AFG1L: variants seen among roughly 807,000 people sequenced by gnomAD.
AFG1L encodes AFG1 like ATPase, also known as AFG1-like ATPase.
Under a neutral mutation model 62.2 loss-of-function variants are expected in AFG1L, and 53 were observed. That is an observed-to-expected ratio of 0.85 (90% CI 0.68 to 1.07). The LOEUF (loss-of-function observed/expected upper bound fraction) is 1.07, where lower values mean the gene tolerates loss of function less well. Among genes scored for constraint, AFG1L ranks in the 50% least tolerant of loss-of-function variants. AFG1L has a pLI of 0.00. For missense variants in AFG1L, 555 were observed against 590.5 expected, an observed-to-expected ratio of 0.94 and a Z score of 0.62; for synonymous variants, 228 against 210.3, an observed-to-expected ratio of 1.08 and a Z score of -0.73.
At chr6:108,485,183 C>T (rs1444239405) in intron 10 of AFG1L, among the ~76,000 whole-genome samples, 4 of 152,150 alleles carry the variant, frequency 2.6e-5, no homozygotes, top group African/African-American at 9.7e-5. Context: ...AGAGCAGCTT[C>T]TTAGATGATG....
chr6:108,455,737 G>A (rs931883554), intron 8 of AFG1L, among the ~76,000 whole-genome samples: 17 of 152,044 alleles, frequency 1.1e-4, no homozygotes, highest in African/African-American at 3.4e-4. Context: ...CTGAACGTTT[G>A]GTGATTTTTT....
intron 1 of AFG1L, among the ~76,000 whole-genome samples, chr6:108,302,791 A>G (rs1031015864): frequency 6.6e-6 from 1 of 152,220 alleles, no homozygotes; most frequent in African/African-American, 2.4e-5. Flanking sequence ...TATTGCACTT[A>G]TGCAAATAAC....
chr6:108,447,328 C>T (rs759438165), intron 8 of AFG1L, 32 bp downstream of exon 8: 1 of 1,216,512 alleles, frequency 8.2e-7, no homozygotes, highest in Admixed American at 1.8e-5. Context: ...AGTTTAATGT[C>T]TAATCGTTAA....
At chr6:108,365,508 G>A (rs1380208675) in intron 5 of AFG1L, among the ~76,000 whole-genome samples, 1 of 126,882 alleles carries the variant, frequency 7.9e-6, no homozygotes, top group Non-Finnish European at 1.6e-5. Flanking sequence ...TTTTTTTTTG[G>A]TAGAAGGAAT....
intron 1 of AFG1L, among the ~76,000 whole-genome samples, chr6:108,302,196 G>C (rs1777030447): frequency 6.6e-6 from 1 of 152,110 alleles, no homozygotes; most frequent in African/African-American, 2.4e-5. Context: ...GCCCGCCTTG[G>C]CCTCCCAAAG....
intron 11 of AFG1L, among the ~76,000 whole-genome samples, chr6:108,512,674 TC>T (rs1025313187): frequency 1.3e-5 from 2 of 152,008 alleles, no homozygotes; most frequent in African/African-American, 4.8e-5. Context: ...CATCCCTCAG[TC>T]CCACCCCCTA....
chr6:108,463,605 A>T (rs2114784552), intron 8 of AFG1L, among the ~76,000 whole-genome samples: 2 of 152,222 alleles, frequency 1.3e-5, no homozygotes, highest in East Asian at 3.9e-4. Flanking sequence ...GAAGGTCTGG[A>T]ATTTGAGAGC....
At chr6:108,485,657 T>TATATATATATA (rs869070532) in intron 10 of AFG1L, among the ~76,000 whole-genome samples, 27 of 12,582 alleles carry the variant, frequency 2.1e-3, no homozygotes, top group African/African-American at 3.9e-3. Context: ...TATATATATA[T>TATATATATATA]TTTTTTTTTT....
chr6:108,490,371 A>G (rs1773729714), intron 10 of AFG1L, among the ~76,000 whole-genome samples: 1 of 152,212 alleles, frequency 6.6e-6, no homozygotes, highest in Non-Finnish European at 1.5e-5. Flanking sequence ...AAGCAAACAA[A>G]CAAACAAAAA....
chr6:108,297,451 G>A (rs1388605133), intron 1 of AFG1L, among the ~76,000 whole-genome samples: 5 of 152,156 alleles, frequency 3.3e-5, no homozygotes, highest in African/African-American at 1.2e-4. Flanking sequence ...ATTTTGTTCA[G>A]TATTCAGAGT....
intron 7 of AFG1L, among the ~76,000 whole-genome samples, chr6:108,431,545 G>A (rs1771071730): frequency 6.6e-6 from 1 of 151,306 alleles, no homozygotes; most frequent in African/African-American, 2.4e-5. Flanking sequence ...CAAGACCTCT[G>A]GTGTTACACA....
chr6:108,499,804 A>T (rs568597645), intron 10 of AFG1L, among the ~76,000 whole-genome samples: 15 of 152,014 alleles, frequency 9.9e-5, no homozygotes, highest in East Asian at 3.9e-4. Flanking sequence ...GAATTTTTTT[A>T]AAAAAATAAT....
At chr6:108,508,630 G>C (rs1460706770) in intron 10 of AFG1L, among the ~76,000 whole-genome samples, 1 of 152,020 alleles carries the variant, frequency 6.6e-6, no homozygotes, top group Non-Finnish European at 1.5e-5. Flanking sequence ...CTCTATTTAG[G>C]GAACCACTTC....
At chr6:108,314,783 T>C (rs771242657) in intron 1 of AFG1L, among the ~76,000 whole-genome samples, 6 of 151,828 alleles carry the variant, frequency 4.0e-5, no homozygotes, top group Non-Finnish European at 7.4e-5. Context: ...TTGTTCTCAA[T>C]CCTACTTACA....
At chr6:108,321,200 A>G (rs143373425) in intron 1 of AFG1L, among the ~76,000 whole-genome samples, 1,898 of 152,308 alleles carry the variant, frequency 0.012, 24 homozygotes, top group Non-Finnish European at 0.02. Context: ...GGGAATTCCC[A>G]TAGCCTTCCT....
At chr6:108,452,930 A>G (rs1004368631) in intron 8 of AFG1L, among the ~76,000 whole-genome samples, 1 of 152,230 alleles carries the variant, frequency 6.6e-6, no homozygotes, top group African/African-American at 2.4e-5. Flanking sequence ...ACATTGTCTC[A>G]TCTTTCAAGG....
At position 108,482,100 on chromosome 6, in the gene AFG1L, A is replaced by T. The variant is rs151219601; in HGVS notation, c.1062+4808A>T. On this transcript the variant is annotated intron_variant, in intron 10 of 12. Coordinates refer to ENST00000368977, the MANE Select transcript of AFG1L (RefSeq NM_145315.5). Reference sequence around the variant, plus strand: ...CATCTTTCAGATGAGATTGATGGTGATATTAACACATGCAATGTTTTGATA... The same window carrying T: ...CATCTTTCAGATGAGATTGATGGTGTTATTAACACATGCAATGTTTTGATA... Among the ~76,000 whole-genome samples the T allele has an allele frequency of 3.3e-4, 51 of 152,312 alleles. No homozygotes were observed. The East Asian group carries it at 8.7e-3, about 26-fold the overall frequency.
At chr6:108,310,185 GTTA>G (rs947868211) in intron 1 of AFG1L, among the ~76,000 whole-genome samples, 11 of 152,248 alleles carry the variant, frequency 7.2e-5, no homozygotes, top group African/African-American at 2.6e-4. Flanking sequence ...TGGGGGAGAC[GTTA>G]TTATACTAGA....
chr6:108,402,117 G>T, intron 7 of AFG1L, 63 bp downstream of exon 7: 1 of 806,006 alleles, frequency 1.2e-6, no homozygotes, highest in Non-Finnish European at 1.9e-6. Flanking sequence ...AAGGGCTTTA[G>T]TAGGATTGTC....
Sources: gnomAD v4.1 joint callset for allele counts (sites outside exome capture counted in the v4.1 genomes callset) on GRCh38, gnomAD v4.1.1 for gene constraint, MANE v1.5 for transcripts, NCBI Gene and HGNC (gene_info 2026-07-23, HGNC 2026-07-21) for gene names.